Variants in ANKRD36C observed in about 807,000 individuals in gnomAD.
ANKRD36C encodes ankyrin repeat domain-containing protein 36C.
Under a neutral mutation model 276.4 loss-of-function variants are expected in ANKRD36C, and 61 were observed. The observed-to-expected ratio is 0.22, with a 90% confidence interval of 0.18 to 0.27. The LOEUF (loss-of-function observed/expected upper bound fraction) is 0.27. Ranked by LOEUF, ANKRD36C falls within the 10% of genes least tolerant of loss-of-function variation. The probability of loss-of-function intolerance (pLI) is 1.00; values close to 1 mark genes in which losing one functional copy is unlikely to be tolerated. For synonymous variants in ANKRD36C, 483 were observed against 680.1 expected (o/e 0.71, Z 4.51); for missense variants, 1,447 against 2,032.3 (o/e 0.71, Z 5.54).
rs1463441714 is a variant in ANKRD36C at position 95,906,440 on chromosome 2, T to TA, written c.2653+5803dup. On this transcript the variant is annotated intron_variant, in intron 42 of 66. Coordinates refer to ENST00000456556, the Ensembl canonical transcript of ANKRD36C. The stretch of plus-strand genomic sequence containing the variant: ...CTCCCAATTGCAATGTGGGGATGTG[T>TA]ATAATCTTACAGTGAAGATCATGTT... 1.7e-5 allele frequency among the ~76,000 whole-genome samples: 2 copies of TA among 116,934 alleles called. 1 individual carries two copies. The highest frequency in any genetic ancestry group is 1.9e-4 in the Admixed American group (2 of 10,266). 76.7% of individuals were successfully genotyped at this position (116,934 alleles called of 152,430 possible). A position where few individuals can be genotyped will look rare whatever the true frequency, so the allele number is the denominator to read the frequency against.
chr2:95,978,511 C>G (rs577354313), intron 5 of ANKRD36C, among the ~76,000 whole-genome samples: 8 of 152,196 alleles, frequency 5.3e-5, no homozygotes, highest in Non-Finnish European at 1.2e-4. Context: ...AGTTGCTTCT[C>G]TTAGGCACAA....
chr2:95,920,011 T>A, intron 34 of ANKRD36C, 91 bp from the exon 35 acceptor site: 1 of 1,387,536 alleles, frequency 7.2e-7, no homozygotes, highest in Non-Finnish European at 9.7e-7. Flanking sequence ...AGCTGTATCC[T>A]TCTGCCTGTA....
At chr2:95,884,466 T>A in intron 52 of ANKRD36C, 98 bp from the exon 73 acceptor site, 1 of 1,580,098 alleles carries the variant, frequency 6.3e-7, no homozygotes, top group Non-Finnish European at 8.7e-7. Flanking sequence ...TCCTTCTGCC[T>A]GTATTAGGGT....
intron 3 of ANKRD36C, among the ~76,000 whole-genome samples, chr2:95,983,588 T>A (rs868684711): frequency 1.1e-4 from 14 of 126,722 alleles, no homozygotes; most frequent in Non-Finnish European, 2.2e-4. Context: ...TTGCATCATT[T>A]ATTTATTTAT....
At chr2:95,903,337 G>A (rs1676713251) in intron 42 of ANKRD36C, among the ~76,000 whole-genome samples, 3 of 150,428 alleles carry the variant, frequency 2.0e-5, no homozygotes, top group Non-Finnish European at 3.0e-5. Flanking sequence ...ATAAAACCAT[G>A]TCAATATCAA....
rs542598393 is a variant in ANKRD36C at position 95,902,742 on chromosome 2, C to G, written c.2654-3406G>C. 10,088 of 1,118,782 alleles carry G rather than the reference C, an allele frequency of 9.0e-3. 169 individuals are homozygous for G. The highest frequency in any genetic ancestry group is 0.01 in the Non-Finnish European group (8,140 of 806,564). 69.3% of individuals were successfully genotyped at this position (1,118,782 alleles called of 1,614,324 possible). A position where few individuals can be genotyped will look rare whatever the true frequency, so the allele number is the denominator to read the frequency against. ...TCCAGACCAGCATCATCATCATCACCCACAAACTTATTTGAAATGAAGAAT... is the reference window on the plus strand; with the variant it reads ...TCCAGACCAGCATCATCATCATCACGCACAAACTTATTTGAAATGAAGAAT... On this transcript the variant is annotated intron_variant, in intron 42 of 66. Coordinates refer to ENST00000456556, the Ensembl canonical transcript of ANKRD36C.
chr2:95,919,746 T>C lies in ANKRD36C; in HGVS notation c.2246-1704A>G. 3.6e-6 allele frequency: 5 copies of C among 1,384,492 alleles called. 1 individual carries two copies. The highest frequency in any genetic ancestry group is 4.9e-6 in the Non-Finnish European group (5 of 1,027,490). The allele number at this position is 1,384,492 out of a possible 1,614,324, so 85.8% of individuals were successfully genotyped here. A position where few individuals can be genotyped will look rare whatever the true frequency, so the allele number is the denominator to read the frequency against. On this transcript the variant is annotated intron_variant, in intron 34 of 66. Transcript: ENST00000456556. ...TTTGCAAATTACCTGTCTCAGATTT[T>C]TCTCCATCCTTTATTTCTGTGGCTA...
At chr2:95,982,477 G>A in intron 3 of ANKRD36C, 115 bp from the exon 4 acceptor site, 1 of 899,800 alleles carries the variant, frequency 1.1e-6, no homozygotes, top group Non-Finnish European at 1.6e-6. Flanking sequence ...GGTCGTAAGA[G>A]GTAGTCCCTT....
At chr2:95,879,689 AT>A (rs1359952209) in intron 58 of ANKRD36C, among the ~76,000 whole-genome samples, 1 of 152,228 alleles carries the variant, frequency 6.6e-6, no homozygotes, top group African/African-American at 2.4e-5. Context: ...ACCAGAACCA[AT>A]AAAAGTTAAA....
chr2:95,886,074 A>G, exon 52 of ANKRD36C: 7 of 1,611,408 alleles, frequency 4.3e-6, no homozygotes, highest in Non-Finnish European at 5.9e-6. Flanking sequence ...TCCATCCTTT[A>G]TCTCTGTGGC....
At chr2:95,887,072 A>G (rs955833387) in intron 50 of ANKRD36C, among the ~76,000 whole-genome samples, 4 of 151,292 alleles carry the variant, frequency 2.6e-5, no homozygotes, top group African/African-American at 9.7e-5. Flanking sequence ...GTTGAATTCA[A>G]CATTATTTTT....
chr2:95,961,900 T>A (rs1163274065), intron 8 of ANKRD36C, among the ~76,000 whole-genome samples: 1 of 152,012 alleles, frequency 6.6e-6, no homozygotes, highest in Non-Finnish European at 1.5e-5. Context: ...CAATCCCTCT[T>A]CCTTGAGTAA....
chr2:95,883,143 C>A (rs1558625924), intron 54 of ANKRD36C, among the ~76,000 whole-genome samples: 2 of 152,192 alleles, frequency 1.3e-5, no homozygotes, highest in East Asian at 3.9e-4. Flanking sequence ...CAGAAAGGTT[C>A]TTCATCCACT....
chr2:95,853,148 T>C (rs1423565607), intron 64 of ANKRD36C: 1 of 154,022 alleles, frequency 6.5e-6, no homozygotes, highest in Non-Finnish European at 1.4e-5. Flanking sequence ...CTGAGCCCAA[T>C]ACAAAAGGAG....
chr2:95,856,570 T>G (rs1484466448), intron 62 of ANKRD36C, among the ~76,000 whole-genome samples: 1 of 152,164 alleles, frequency 6.6e-6, no homozygotes, highest in African/African-American at 2.4e-5. Flanking sequence ...GAGCCTTAGC[T>G]TGGCAGATAT....
At chr2:95,888,485 G>A (rs1306261273) in intron 48 of ANKRD36C, among the ~76,000 whole-genome samples, 1 of 151,588 alleles carries the variant, frequency 6.6e-6, no homozygotes, top group Non-Finnish European at 1.5e-5. Flanking sequence ...ATGATGCCAC[G>A]TCTTCCATGC....
exon 63 of ANKRD36C, chr2:95,855,488 C>T: frequency 6.2e-7 from 1 of 1,611,844 alleles, no homozygotes; most frequent in Non-Finnish European, 8.5e-7. Flanking sequence ...GTTGAAGCAA[C>T]ATATTTTGTT....
At chr2:95,918,139 CT>C in intron 34 of ANKRD36C, 97 bp from the exon 37 acceptor site, 10 of 1,517,392 alleles carry the variant, frequency 6.6e-6, no homozygotes, top group Non-Finnish European at 8.9e-6. Context: ...ATCCTTCTGC[CT>C]GTACTAGTGT....
intron 20 of ANKRD36C, among the ~76,000 whole-genome samples, chr2:95,940,088 G>T (rs548145070): frequency 2.6e-5 from 4 of 152,380 alleles, no homozygotes; most frequent in Non-Finnish European, 4.4e-5. Flanking sequence ...GCACAATCTC[G>T]GCTCACAGCA....
Sources: gnomAD v4.1 joint callset for allele counts (sites outside exome capture counted in the v4.1 genomes callset) on GRCh38, gnomAD v4.1.1 for gene constraint, MANE v1.5 for transcripts, NCBI Gene and HGNC (gene_info 2026-07-23, HGNC 2026-07-21) for gene names.